HOOK1: variants seen among roughly 807,000 people sequenced by gnomAD.
The protein encoded by HOOK1 is protein Hook homolog 1.
In HOOK1, 60 loss-of-function variants were observed where a neutral mutation model predicts 112.8. The observed-to-expected ratio is 0.53, with a 90% CI of 0.43 to 0.66. The LOEUF (loss-of-function observed/expected upper bound fraction) is 0.66, where lower values mean the gene tolerates loss of function less well. Ranked by LOEUF, HOOK1 falls within the 30% of genes least tolerant of loss-of-function variation. HOOK1 has a pLI of 0.00. For missense variants in HOOK1, 770 were observed against 856.0 expected (o/e 0.90, Z 1.25); for synonymous variants, 294 against 283.8 (o/e 1.04, Z -0.36).
rs1644122666 is a variant in HOOK1 at position 59,876,070 on chromosome 1, T to C, written c.*3105T>C. ...ACATTCCTATGTAAAAATGTGTGTA[T>C]GTGAACGTATGCATACATTTTTATT... is the stretch of plus-strand genomic sequence containing the variant. On this transcript the variant is annotated 3_prime_UTR_variant, in exon 22 of 22. Coordinates refer to ENST00000371208, the MANE Select transcript of HOOK1 (RefSeq NM_015888.6). The C allele has an allele frequency of 6.5e-6, 1 of 152,676 alleles. No homozygotes were observed. Among genetic ancestry groups the C allele is most frequent in the Non-Finnish European group, 1.5e-5 (1 of 68,052 alleles). The allele number at this position is 152,676 out of a possible 1,614,324, so 9.5% of individuals were successfully genotyped here.
intron 15 of HOOK1, among the ~76,000 whole-genome samples, chr1:59,862,368 T>G (rs1273375620): frequency 6.6e-6 from 1 of 152,104 alleles, no homozygotes; most frequent in African/African-American, 2.4e-5. Context: ...AAAAAACTTG[T>G]GGAAATGATT....
chr1:59,874,068 TTTA>T lies in HOOK1; in HGVS notation c.*1104_*1106del, dbSNP rs1413160184. The T allele has an allele frequency of 6.6e-6, 1 of 151,992 alleles. No individual in the cohort carries two copies. Among genetic ancestry groups the T allele is most frequent in the African/African-American group, 2.4e-5 (1 of 41,406 alleles). The allele number at this position is 151,992 out of a possible 1,614,324, so 9.4% of individuals were successfully genotyped here. A position where few individuals can be genotyped will look rare whatever the true frequency, so the allele number is the denominator to read the frequency against. ...TTTTTAAAAGTTAGCACTTTTGAAT[TTTA>T]GTTGTGTTAAATATGTGCTGTCGTA... is the stretch of plus-strand genomic sequence containing the variant. On this transcript the variant is annotated 3_prime_UTR_variant, in exon 22 of 22. Coordinates refer to ENST00000371208, the MANE Select transcript of HOOK1 (RefSeq NM_015888.6).
In HOOK1 at chr1:59,835,245, A is replaced by G. The variant is rs1318280067; in HGVS notation, c.407-100A>G. On this transcript the variant is annotated intron_variant, in intron 5 of 21. Transcript: ENST00000371208. ...AAATAATGTATTTACATAAAGGATT[A>G]TCTGTGGGTAGATGAATTTTTATAG... 4.2e-6 allele frequency: 3 copies of G among 717,730 alleles called. No homozygotes were observed. In the African/African-American group the frequency reaches 5.5e-5, roughly 13 times the overall value. 44.5% of individuals were successfully genotyped at this position (717,730 alleles called of 1,614,324 possible).
At chr1:59,862,580 G>C (rs1230419653) in intron 15 of HOOK1, among the ~76,000 whole-genome samples, 1 of 152,052 alleles carries the variant, frequency 6.6e-6, no homozygotes, top group Non-Finnish European at 1.5e-5. Flanking sequence ...TATACTTTCA[G>C]GAAAAAAGTT....
intron 3 of HOOK1, 88 bp from the exon 4 acceptor site, chr1:59,832,075 G>T: frequency 1.5e-6 from 1 of 686,104 alleles, no homozygotes; most frequent in South Asian, 2.0e-5. Context: ...TTTTTAATTA[G>T]GGGAAAGTTT....
chr1:59,857,426 G>T (rs2098411283), intron 12 of HOOK1, among the ~76,000 whole-genome samples: 1 of 152,204 alleles, frequency 6.6e-6, no homozygotes, highest in African/African-American at 2.4e-5. Flanking sequence ...TTTAATAAAT[G>T]CTCACCAGAC....
chr1:59,832,542 T>A (rs2098394751), intron 4 of HOOK1, among the ~76,000 whole-genome samples: 1 of 152,148 alleles, frequency 6.6e-6, no homozygotes, highest in African/African-American at 2.4e-5. Context: ...AAGCAATATT[T>A]TGACATTTCT....
chr1:59,831,429 A>G (rs924698804), intron 3 of HOOK1, among the ~76,000 whole-genome samples: 2 of 152,140 alleles, frequency 1.3e-5, no homozygotes, highest in Non-Finnish European at 2.9e-5. Context: ...ATCTTTGGGA[A>G]TGGTTCAGTT....
chr1:59,820,022 C>T (rs1448686879), intron 1 of HOOK1, among the ~76,000 whole-genome samples: 1 of 152,224 alleles, frequency 6.6e-6, no homozygotes, highest in Non-Finnish European at 1.5e-5. Context: ...CATAAAGCTA[C>T]TCTGTGTCAC....
chr1:59,834,015 G>A (rs1337570080), intron 5 of HOOK1, among the ~76,000 whole-genome samples: 3 of 152,148 alleles, frequency 2.0e-5, no homozygotes, highest in African/African-American at 7.2e-5. Context: ...AAATGGAATT[G>A]ATGCATTATA....
rs1644081363 is a variant in HOOK1, at chr1:59,872,946, C to T, written c.2168C>T (p.Pro723Leu). The T allele has an allele frequency of 6.7e-7, 1 of 1,496,264 alleles. No individual in the cohort carries two copies. Among genetic ancestry groups the T allele is most frequent in the Non-Finnish European group, 9.0e-7 (1 of 1,113,698 alleles). 92.7% of individuals were successfully genotyped at this position (1,496,264 alleles called of 1,614,324 possible). Reference sequence around the variant, plus strand: ...AGAAGAAATCTCTCTGTTAAAGTCCCTGCTACAACATCTGATTAAACTGCA... The same window carrying T: ...AGAAGAAATCTCTCTGTTAAAGTCCTTGCTACAACATCTGATTAAACTGCA... ...NTRRNLSVKV[P>L]ATTSD Residue 723 changes from proline to leucine, a missense_variant, in exon 22 of 22, where the codon CCT becomes CTT. This residue lies in a region of HOOK1 where 111 missense variants were observed against 111.8 expected (regional missense o/e 0.99). Coordinates refer to ENST00000371208, the MANE Select transcript of HOOK1 (RefSeq NM_015888.6).
At chr1:59,819,628 C>A (rs1179375436) in intron 1 of HOOK1, among the ~76,000 whole-genome samples, 2 of 152,180 alleles carry the variant, frequency 1.3e-5, no homozygotes, top group African/African-American at 2.4e-5. Context: ...ACATAGTGGT[C>A]ATGGAGGTAG....
chr1:59,828,478 G>A (rs1050700007), intron 2 of HOOK1, among the ~76,000 whole-genome samples: 1 of 152,124 alleles, frequency 6.6e-6, no homozygotes, highest in African/African-American at 2.4e-5. Flanking sequence ...ACAATATCAA[G>A]TGCTTGATAC....
At chr1:59,832,428 TC>T (rs1281945958) in intron 4 of HOOK1, among the ~76,000 whole-genome samples, 2 of 152,108 alleles carry the variant, frequency 1.3e-5, no homozygotes, top group African/African-American at 2.4e-5. Flanking sequence ...ATTGATACTC[TC>T]CGAATTGATT....
At chr1:59,838,366 G>C (rs1455652498) in intron 7 of HOOK1, among the ~76,000 whole-genome samples, 1 of 152,134 alleles carries the variant, frequency 6.6e-6, no homozygotes, top group Non-Finnish European at 1.5e-5. Flanking sequence ...GTTGTTTCCT[G>C]ACTTTTTAAT....
At chr1:59,853,978 GA>G (rs1278857308) in intron 12 of HOOK1, among the ~76,000 whole-genome samples, 2 of 108,612 alleles carry the variant, frequency 1.8e-5, no homozygotes, top group Non-Finnish European at 3.4e-5. Context: ...TAGACTAAAA[GA>G]GTTAAAAATA....
intron 8 of HOOK1, 51 bp from the exon 9 acceptor site, chr1:59,843,380 AT>A (rs548186901): frequency 7.3e-7 from 1 of 1,366,388 alleles, no homozygotes; most frequent in Non-Finnish European, 1.0e-6. Context: ...AAGAATTTTT[AT>A]TTTTTTGTTT....
Position 59,861,826 on chromosome 1 carries a change from G to A in HOOK1, c.1533-958G>A, listed in dbSNP as rs12038226. ...ATCCTAGACACCAACAGAAATTTTA[G>A]ACATACTTGAATCTTACCTTTCTCA... On this transcript the variant is annotated intron_variant, in intron 15 of 21. Coordinates refer to ENST00000371208, the MANE Select transcript of HOOK1 (RefSeq NM_015888.6). Among the ~76,000 whole-genome samples the A allele has an allele frequency of 3.9e-5, 6 of 152,118 alleles. No individual in the cohort carries two copies. The East Asian group carries it at 1.2e-3, about 29-fold the overall frequency.
chr1:59,843,793 A>G (rs1031390987), intron 9 of HOOK1, among the ~76,000 whole-genome samples, 195 bp downstream of exon 9: 2 of 152,032 alleles, frequency 1.3e-5, no homozygotes, highest in Non-Finnish European at 2.9e-5. Flanking sequence ...TGGGAGATAC[A>G]CATAAAAACA....
Sources: gnomAD v4.1 joint callset for allele counts (sites outside exome capture counted in the v4.1 genomes callset) on GRCh38, gnomAD v4.1.1 for gene constraint, gnomAD v4.1.1 regional missense constraint, MANE v1.5 for transcripts, NCBI Gene and HGNC (gene_info 2026-07-23, HGNC 2026-07-21) for gene names.